MYRIP: variants seen among roughly 807,000 people sequenced by gnomAD.
The protein encoded by MYRIP is rab effector MyRIP.
A neutral mutation model predicts 98.0 loss-of-function variants in MYRIP; 49 were observed. The observed-to-expected ratio is 0.50, with a 90% CI of 0.40 to 0.63. MYRIP has a LOEUF of 0.63. MYRIP is among the 30% of genes least tolerant of loss of function. The pLI is 0.00. For synonymous variants in MYRIP, 404 were observed against 409.5 expected, an observed-to-expected ratio of 0.99 and a Z score of 0.16; for missense variants, 1,004 against 1,058.2, an observed-to-expected ratio of 0.95 and a Z score of 0.71.
At chr3:40,149,297 CTT>C (rs974862995) in intron 3 of MYRIP, among the ~76,000 whole-genome samples, 3 of 152,164 alleles carry the variant, frequency 2.0e-5, no homozygotes, top group Non-Finnish European at 2.9e-5. Flanking sequence ...ACAACCAGCT[CTT>C]GAGTGAACTA....
intron 2 of MYRIP, among the ~76,000 whole-genome samples, chr3:40,039,052 C>A (rs1233470400): frequency 6.6e-6 from 1 of 152,144 alleles, no homozygotes; most frequent in Non-Finnish European, 1.5e-5. Context: ...AGCATGCCCA[C>A]ATGAAATGGT....
At chr3:39,947,301 A>G (rs1944925050) in intron 2 of MYRIP, among the ~76,000 whole-genome samples, 1 of 152,062 alleles carries the variant, frequency 6.6e-6, no homozygotes, top group Non-Finnish European at 1.5e-5. Context: ...GAAATTAAGA[A>G]AAGTACAAGC....
chr3:40,053,610 G>T (rs371662036), intron 3 of MYRIP, among the ~76,000 whole-genome samples: 1 of 152,068 alleles, frequency 6.6e-6, no homozygotes, highest in African/African-American at 2.4e-5. Flanking sequence ...GTAGGGCCAG[G>T]GAAGTCTGAA....
intron 3 of MYRIP, among the ~76,000 whole-genome samples, chr3:40,114,397 T>A (rs1284391869): frequency 1.3e-5 from 2 of 152,242 alleles, no homozygotes; most frequent in Non-Finnish European, 2.9e-5. Flanking sequence ...GCTCTCACAA[T>A]GACAAAATTG....
intron 12 of MYRIP, among the ~76,000 whole-genome samples, chr3:40,239,975 C>A (rs1952953051): frequency 1.7e-5 from 2 of 119,474 alleles, no homozygotes; most frequent in African/African-American, 6.6e-5. Flanking sequence ...GACATGAAGT[C>A]CTTGCCCATG....
At chr3:39,850,363 G>A (rs1404735660) in intron 1 of MYRIP, among the ~76,000 whole-genome samples, 1 of 152,166 alleles carries the variant, frequency 6.6e-6, no homozygotes, top group Non-Finnish European at 1.5e-5. Flanking sequence ...TATTCTAAAA[G>A]TGAAAATGTG....
At chr3:40,218,537 G>C (rs942520583) in intron 11 of MYRIP, among the ~76,000 whole-genome samples, 3 of 144,544 alleles carry the variant, frequency 2.1e-5, no homozygotes, top group Admixed American at 1.4e-4. Flanking sequence ...GCCTTTAAAG[G>C]CTAAATTTTA....
chr3:39,925,888 T>C (rs1445157621), intron 2 of MYRIP, among the ~76,000 whole-genome samples: 1 of 152,102 alleles, frequency 6.6e-6, no homozygotes, highest in Non-Finnish European at 1.5e-5. Context: ...CTGTTTTCAA[T>C]TCTTTGAGAA....
At chr3:40,044,566 A>T (rs1468321196) in intron 3 of MYRIP, among the ~76,000 whole-genome samples, 2 of 152,176 alleles carry the variant, frequency 1.3e-5, no homozygotes, top group Non-Finnish European at 2.9e-5. Flanking sequence ...ATCTGGTCTC[A>T]TCCTTTCGTT....
At chr3:40,134,975 C>T (rs998037477) in intron 3 of MYRIP, among the ~76,000 whole-genome samples, 1 of 152,170 alleles carries the variant, frequency 6.6e-6, no homozygotes, top group Non-Finnish European at 1.5e-5. Flanking sequence ...AATCAGAGCA[C>T]CTCTCCTCCT....
chr3:39,822,414 CA>C (rs1199405572), intron 1 of MYRIP, among the ~76,000 whole-genome samples: 1 of 152,124 alleles, frequency 6.6e-6, no homozygotes, highest in Non-Finnish European at 1.5e-5. Flanking sequence ...TGGCCCAACA[CA>C]AATTCGTCAA....
intron 2 of MYRIP, among the ~76,000 whole-genome samples, chr3:39,924,911 A>G (rs1405269510): frequency 6.6e-6 from 1 of 151,988 alleles, no homozygotes. Context: ...ATTGAACTGA[A>G]TTAAAATGAA....
At chr3:40,149,453 C>G (rs916305167) in intron 3 of MYRIP, among the ~76,000 whole-genome samples, 1 of 152,180 alleles carries the variant, frequency 6.6e-6, no homozygotes, top group Non-Finnish European at 1.5e-5. Flanking sequence ...GGACAAATAT[C>G]CAAACTATAT....
intron 3 of MYRIP, among the ~76,000 whole-genome samples, chr3:40,091,154 C>G (rs1948730053): frequency 6.6e-6 from 1 of 152,190 alleles, no homozygotes; most frequent in African/African-American, 2.4e-5. Context: ...TTGATCAGGC[C>G]CACTCACCTG....
In MYRIP at chr3:40,212,214, A is replaced by ATATACATATATATACGTGTGTG. The variant is rs1559456773; in HGVS notation, c.1905+2125_1905+2126insCATATATATACGTGTGTGTATA. On this transcript the variant is annotated intron_variant, in intron 11 of 16. Transcript: ENST00000302541. Reference sequence around the variant, plus strand: ...TATATACATATATATACGTGTGTGTATATATATATATACACACACACACAC... The same window carrying ATATACATATATATACGTGTGTG: ...TATATACATATATATACGTGTGTGTATATACATATATATACGTGTGTGTATATATATATACACACACACACAC... Among the ~76,000 whole-genome samples the ATATACATATATATACGTGTGTG allele has an allele frequency of 5.5e-4, 41 of 75,136 alleles. 10 individuals carry two copies. Among genetic ancestry groups the ATATACATATATATACGTGTGTG allele is most frequent in the South Asian group, 1.6e-3 (4 of 2,436 alleles). 49.3% of individuals were successfully genotyped at this position (75,136 alleles called of 152,430 possible).
chr3:40,121,562 C>T (rs1243410186), intron 3 of MYRIP, among the ~76,000 whole-genome samples: 1 of 152,064 alleles, frequency 6.6e-6, no homozygotes, highest in Non-Finnish European at 1.5e-5. Context: ...TCTTTGGGTG[C>T]CACCCTCTCC....
chr3:40,112,519 C>T (rs1232645297), intron 3 of MYRIP, among the ~76,000 whole-genome samples: 1 of 152,170 alleles, frequency 6.6e-6, no homozygotes, highest in Non-Finnish European at 1.5e-5. Context: ...CTGGTAGGAG[C>T]CATTACCAGC....
At chr3:40,204,236 T>TATA (rs71091795) in intron 10 of MYRIP, among the ~76,000 whole-genome samples, 3,239 of 61,378 alleles carry the variant, frequency 0.053, 516 homozygotes, top group African/African-American at 0.15. Context: ...TATATATATA[T>TATA]TTTTTTTTTT....
At chr3:40,236,467 A>G (rs917727860) in intron 12 of MYRIP, among the ~76,000 whole-genome samples, 13 of 152,172 alleles carry the variant, frequency 8.5e-5, no homozygotes, top group Admixed American at 2.0e-4. Context: ...AGTTCAGGAA[A>G]GCTCTTACTG....
Sources: gnomAD v4.1 joint callset for allele counts (sites outside exome capture counted in the v4.1 genomes callset) on GRCh38, gnomAD v4.1.1 for gene constraint, MANE v1.5 for transcripts, NCBI Gene and HGNC (gene_info 2026-07-23, HGNC 2026-07-21) for gene names.